Variants in PCF11 observed in about 807,000 individuals in gnomAD.
PCF11 encodes pre-mRNA cleavage complex 2 protein Pcf11.
PCF11 carries 19 observed loss-of-function variants against 166.1 expected under a neutral mutation model. The ratio of observed to expected loss-of-function variants is 0.11; its 90% CI spans 0.08 to 0.17. The LOEUF (loss-of-function observed/expected upper bound fraction) is 0.17. Ranked by LOEUF, PCF11 falls within the 10% of genes least tolerant of loss-of-function variation. The probability of loss-of-function intolerance (pLI) is 1.00; values close to 1 mark genes in which losing one functional copy is unlikely to be tolerated. For missense variants in PCF11, 1,565 were observed against 1,855.5 expected (o/e 0.84, Z 2.88); for synonymous variants, 663 against 644.1 (o/e 1.03, Z -0.44).
exon 5 of PCF11, chr11:83,166,671 A>C: frequency 6.3e-7 from 1 of 1,599,148 alleles, no homozygotes; most frequent in Non-Finnish European, 8.5e-7. Flanking sequence ...GCAAAGTTCC[A>C]AGTCTGCCAA....
chr11:83,162,188 A>T (rs1860282635), intron 2 of PCF11, among the ~76,000 whole-genome samples: 1 of 152,218 alleles, frequency 6.6e-6, no homozygotes, highest in South Asian at 2.1e-4. Context: ...TATCTTTCAC[A>T]TTGAACAAAA....
rs140586284 is a variant in PCF11, at chr11:83,177,140, A to G, written c.3813A>G (p.Glu1271=). Residue 1271 remains glutamate (E), a synonymous_variant, in exon 10 of 16, where the codon GAA becomes GAG. Transcript: ENST00000298281. ...ATCTCAGTCAGGTGGATGTAAATGA[A>G]TTGTTTTCAAAATTGCTAAAAACAG... The G allele has an allele frequency of 1.0e-3, 1,620 of 1,583,322 alleles. 3 individuals are homozygous for G. The highest frequency in any genetic ancestry group is 8.2e-3 in the African/African-American group (610 of 74,466).
At chr11:83,161,335 C>T (rs753971386) in exon 2 of PCF11, 2 of 1,595,980 alleles carry the variant, frequency 1.3e-6, no homozygotes, top group South Asian at 1.2e-5. Flanking sequence ...AGGCTCCTTC[C>T]TCAGAGAAGC....
At chr11:83,173,858 G>A (rs1860784693) in intron 9 of PCF11, among the ~76,000 whole-genome samples, 3 of 149,906 alleles carry the variant, frequency 2.0e-5, no homozygotes, top group African/African-American at 7.4e-5. Flanking sequence ...AGCCTCCCCA[G>A]TAGCTGGGAC....
chr11:83,171,794 T>G, intron 8 of PCF11, 24 bp from the exon 9 acceptor site: 5 of 1,253,358 alleles, frequency 4.0e-6, no homozygotes, highest in Non-Finnish European at 5.9e-6. Flanking sequence ...AAGCATGTTC[T>G]TAAAATTAAG....
chr11:83,171,022 G>C (rs942410250), intron 8 of PCF11, among the ~76,000 whole-genome samples: 3 of 152,134 alleles, frequency 2.0e-5, no homozygotes, highest in Non-Finnish European at 4.4e-5. Flanking sequence ...AATCGGTGGG[G>C]TTTTTATTAT....
chr11:83,168,215 A>G (rs962624852), intron 7 of PCF11, among the ~76,000 whole-genome samples: 4 of 152,212 alleles, frequency 2.6e-5, no homozygotes, highest in African/African-American at 4.8e-5. Flanking sequence ...TGCTCTCAAA[A>G]TGAAATAATT....
intron 15 of PCF11, 27 bp from the exon 16 acceptor site, chr11:83,184,652 G>C: frequency 6.7e-7 from 1 of 1,497,698 alleles, no homozygotes; most frequent in Non-Finnish European, 9.3e-7. Flanking sequence ...ACTTTCATCA[G>C]TACTCATAGG....
At chr11:83,172,920 G>A (rs1477410918) in intron 9 of PCF11, among the ~76,000 whole-genome samples, 1 of 152,064 alleles carries the variant, frequency 6.6e-6, no homozygotes, top group African/African-American at 2.4e-5. Flanking sequence ...TTATACATTA[G>A]TCCTTAAATT....
At chr11:83,166,691 A>C (rs1468510174) in exon 5 of PCF11, 1 of 1,599,576 alleles carries the variant, frequency 6.3e-7, no homozygotes, top group Admixed American at 1.8e-5. Flanking sequence ...AAAGATGGAA[A>C]TCTGGTTGGG....
chr11:83,169,037 G>T, exon 8 of PCF11: 1 of 1,613,774 alleles, frequency 6.2e-7, no homozygotes, highest in African/African-American at 1.3e-5. Context: ...CCTGTGGGTG[G>T]ACTTAGATTT....
chr11:83,173,522 GT>G lies in PCF11; in HGVS notation c.3757+1621del, dbSNP rs550536928. On this transcript the variant is annotated intron_variant, in intron 9 of 15. Transcript: ENST00000298281. ...ATCAGTATTTGTCTGTTTTGTTGTT[GT>G]TTTTTTTTTTTTAGAGAATCAAATG... is the stretch of plus-strand genomic sequence containing the variant. Among the ~76,000 whole-genome samples, 82 of 138,556 alleles carry G rather than the reference GT, an allele frequency of 5.9e-4. 1 individual carries two copies. The highest frequency in any genetic ancestry group is 1.6e-3 in the South Asian group (7 of 4,360). The allele number at this position is 138,556 out of a possible 152,430, so 90.9% of individuals were successfully genotyped here. A position where few individuals can be genotyped will look rare whatever the true frequency, so the allele number is the denominator to read the frequency against.
At chr11:83,163,906 G>A (rs769230330) in intron 3 of PCF11, 39 bp downstream of exon 3, 2 of 926,264 alleles carry the variant, frequency 2.2e-6, no homozygotes, top group Non-Finnish European at 3.1e-6. Context: ...ATACTTTTAA[G>A]TATCACATTT....
chr11:83,165,425 A>G (rs1473816904), intron 4 of PCF11, among the ~76,000 whole-genome samples, 175 bp from the exon 5 acceptor site: 2 of 152,226 alleles, frequency 1.3e-5, no homozygotes, highest in Non-Finnish European at 2.9e-5. Context: ...AACTTAAATC[A>G]TGGACTTTTT....
At position 83,167,431 on chromosome 11, in the gene PCF11, C is replaced by T; in HGVS notation, c.2018C>T (p.Ala673Val). The T allele has an allele frequency of 6.2e-7, 1 of 1,600,266 alleles. No individual in the cohort carries two copies. Among genetic ancestry groups the T allele is most frequent in the Admixed American group, 1.8e-5 (1 of 56,748 alleles). ...CCTATACAGACGAGTGAACGTTTAG[C>T]ATCTGGTGAAATTACACAGGATGAC... Residue 673 changes from alanine (A) to valine (V), a missense_variant, in exon 7 of 16, where the codon GCA becomes GTA. This residue lies in a region of PCF11 where 26 missense variants were observed against 63.3 expected (regional missense o/e 0.41). Transcript: ENST00000298281. This position sits in a 1 kb window ranked among gnomAD's most constrained non-coding sequence, Gnocchi z 4.2.
chr11:83,163,759 C>T (rs770231269), exon 3 of PCF11: 7 of 1,593,914 alleles, frequency 4.4e-6, no homozygotes, highest in Non-Finnish European at 1.7e-6. Context: ...AACTTTATGC[C>T]CTGGATGTCA....
chr11:83,159,327 A>T (rs898488371), intron 1 of PCF11, among the ~76,000 whole-genome samples: 1 of 152,202 alleles, frequency 6.6e-6, no homozygotes, highest in Admixed American at 6.5e-5. Flanking sequence ...ACTTGACATT[A>T]AATGCCTTAA....
At position 83,167,429 on chromosome 11, in the gene PCF11, A is replaced by G; in HGVS notation, c.2016A>G (p.Leu672=). Residue 672 remains leucine, a synonymous_variant, in exon 7 of 16, where the codon TTA becomes TTG. Transcript: ENST00000298281. The surrounding 1 kb of genome is among the most constrained non-coding windows in gnomAD (Gnocchi z 4.2). ...CCCCTATACAGACGAGTGAACGTTT[A>G]GCATCTGGTGAAATTACACAGGATG... 3 of 1,599,276 alleles carry G rather than the reference A, an allele frequency of 1.9e-6. No homozygotes were observed. The highest frequency in any genetic ancestry group is 2.6e-6 in the Non-Finnish European group (3 of 1,174,994).
Position 83,161,308 on chromosome 11 carries a change from T to A in PCF11, c.193-19T>A, listed in dbSNP as rs752755639. 1.9e-6 allele frequency: 3 copies of A among 1,577,228 alleles called. No individual in the cohort carries two copies. The highest frequency in any genetic ancestry group is 2.6e-6 in the Non-Finnish European group (3 of 1,163,022). On this transcript the variant is annotated intron_variant, in intron 1 of 15. Transcript: ENST00000298281. ...GTGGTAATTCATTATACTAAACTTC[T>A]CAGTTTCTTTTTATTCAGGCTCCTT...
Sources: gnomAD v4.1 joint callset for allele counts (sites outside exome capture counted in the v4.1 genomes callset) on GRCh38, gnomAD v4.1.1 for gene constraint, gnomAD v4.1.1 regional missense constraint, Gnocchi (gnomAD v3.1) non-coding constraint, MANE v1.5 for transcripts, NCBI Gene and HGNC (gene_info 2026-07-23, HGNC 2026-07-21) for gene names.